Variants in RIT1 observed in about 807,000 individuals in gnomAD.
The protein encoded by RIT1 is Ras like without CAAX 1, also known as GTP-binding protein Rit1.
RIT1 carries 6 observed loss-of-function variants against 25.6 expected under a neutral mutation model. The observed-to-expected ratio is 0.23, with a 90% CI of 0.13 to 0.46. The LOEUF is 0.46. RIT1 is among the 20% of genes least tolerant of loss of function. The pLI is 0.99. For missense variants in RIT1, 219 were observed against 284.4 expected, an observed-to-expected ratio of 0.77 and a Z score of 1.65; for synonymous variants, 81 against 94.1, an observed-to-expected ratio of 0.86 and a Z score of 0.80.
chr1:155,907,847 T>A (rs534738846), intron 3 of RIT1, among the ~76,000 whole-genome samples: 13 of 152,172 alleles, frequency 8.5e-5, no homozygotes, highest in Admixed American at 8.5e-4. Context: ...TCCCAGCACT[T>A]TGGGAGGCCG....
intron 5 of RIT1, among the ~76,000 whole-genome samples, chr1:155,901,037 A>G (rs1484627773): frequency 6.6e-6 from 1 of 150,544 alleles, no homozygotes; most frequent in Admixed American, 6.6e-5. Context: ...CTGGTTGTAA[A>G]CTCCTGACCT....
At position 155,898,176 on chromosome 1, in the gene RIT1, C is replaced by G. The variant is rs1673223890; in HGVS notation, c.*2212G>C. On this transcript the variant is annotated 3_prime_UTR_variant, in exon 6 of 6. Coordinates refer to ENST00000368323, the MANE Select transcript of RIT1 (RefSeq NM_006912.6). ...ACTAAGAATAGAGCTATGACTTATG[C>G]ATATCATACCTGTCAAGCTACCTAG... 6.6e-6 allele frequency: 1 copy of G among 152,178 alleles called. No individual in the cohort carries two copies. The allele number at this position is 152,178 out of a possible 1,614,324, so 9.4% of individuals were successfully genotyped here.
chr1:155,902,979 G>C (rs1673344273), intron 5 of RIT1, among the ~76,000 whole-genome samples: 1 of 149,762 alleles, frequency 6.7e-6, no homozygotes, highest in Non-Finnish European at 1.5e-5. Context: ...TGACCAACAT[G>C]GTGAAACCCC....
chr1:155,910,393 T>G, intron 3 of RIT1, 57 bp downstream of exon 3: 6 of 1,383,688 alleles, frequency 4.3e-6, no homozygotes, highest in Non-Finnish European at 6.1e-6. Context: ...ACTACTGATA[T>G]TCATTAAGAT....
At position 155,910,773 on chromosome 1, in the gene RIT1, G is replaced by C; in HGVS notation, c.-12C>G. On this transcript the variant is annotated 5_prime_UTR_variant, in exon 2 of 6. Coordinates refer to ENST00000368323, the MANE Select transcript of RIT1 (RefSeq NM_006912.6). ...GTTCCAGAATCCATTGTCCTCTTGG[G>C]GCCTTCCTCGGTTGCCCCGAGGAAA... 2.5e-6 allele frequency: 4 copies of C among 1,614,156 alleles called. No homozygotes were observed. The highest frequency in any genetic ancestry group is 3.4e-6 in the Non-Finnish European group (4 of 1,180,032).
chr1:155,900,338 TG>T lies in RIT1; in HGVS notation c.*49del. The T allele has an allele frequency of 7.3e-7, 1 of 1,360,588 alleles. No homozygotes were observed. The allele number at this position is 1,360,588 out of a possible 1,614,324, so 84.3% of individuals were successfully genotyped here. A position where few individuals can be genotyped will look rare whatever the true frequency, so the allele number is the denominator to read the frequency against. ...TACTCAGTACTGCAGGTTACTGGACTGCTTTGATACAGCACTGCAGTTCACA... is the reference window on the plus strand; with the variant it reads ...TACTCAGTACTGCAGGTTACTGGACTCTTTGATACAGCACTGCAGTTCACA... On this transcript the variant is annotated 3_prime_UTR_variant, in exon 6 of 6. Coordinates refer to ENST00000368323, the MANE Select transcript of RIT1 (RefSeq NM_006912.6).
intron 5 of RIT1, among the ~76,000 whole-genome samples, chr1:155,903,595 T>C (rs781719935): frequency 2.6e-5 from 4 of 152,306 alleles, no homozygotes; most frequent in Non-Finnish European, 5.9e-5. Context: ...TTTGGACAGC[T>C]AGATTGTTTC....
intron 3 of RIT1, among the ~76,000 whole-genome samples, chr1:155,905,499 C>T (rs1045056118): frequency 6.6e-6 from 1 of 151,756 alleles, no homozygotes; most frequent in African/African-American, 2.4e-5. Flanking sequence ...TGCACTCAGC[C>T]GAGACCCCAT....
chr1:155,904,763 C>T lies in RIT1; in HGVS notation c.205G>A (p.Ala69Thr), dbSNP rs1673399713. The T allele has an allele frequency of 6.2e-7, 1 of 1,612,626 alleles. No homozygotes were observed. Among genetic ancestry groups the T allele is most frequent in the Admixed American group, 1.7e-5 (1 of 59,970 alleles). ...KIRIRIDDEPANLDILDTAGQ... is the reference protein window; with the variant it reads ...KIRIRIDDEPTNLDILDTAGQ... ...GCTGTATCCAAAATGTCCAGATTGG[C>T]AGGCTCATCATCAATACGGATCCTG... Residue 69 changes from alanine to threonine, a missense_variant, in exon 4 of 6, where the codon GCC (alanine) becomes ACC (threonine). Physicochemically the swap from Ala to Thr is moderately conservative, Grantham distance 58 (BLOSUM62 0). Coordinates refer to ENST00000368323, the MANE Select transcript of RIT1 (RefSeq NM_006912.6).
chr1:155,910,333 A>C, intron 3 of RIT1, 117 bp downstream of exon 3: 1 of 854,830 alleles, frequency 1.2e-6, no homozygotes, highest in Non-Finnish European at 1.9e-6. Flanking sequence ...TTGTTTCTAA[A>C]TAAATCTGAA....
chr1:155,909,234 C>T (rs1047067765), intron 3 of RIT1, among the ~76,000 whole-genome samples: 4 of 151,774 alleles, frequency 2.6e-5, no homozygotes, highest in African/African-American at 9.7e-5. Context: ...AAAAATTAGC[C>T]GGGCTTGGTG....
chr1:155,903,363 G>C (rs1429993787), intron 5 of RIT1, among the ~76,000 whole-genome samples: 1 of 146,046 alleles, frequency 6.8e-6, no homozygotes, highest in Non-Finnish European at 1.5e-5. Context: ...TAAGGCAGGA[G>C]ACTCACTTGA....
At chr1:155,908,018 G>T (rs959084493) in intron 3 of RIT1, among the ~76,000 whole-genome samples, 1 of 151,744 alleles carries the variant, frequency 6.6e-6, no homozygotes, top group African/African-American at 2.4e-5. Context: ...TGAACCCCGG[G>T]GGGGCGGAGC....
intron 5 of RIT1, among the ~76,000 whole-genome samples, chr1:155,902,576 T>C (rs1040719817): frequency 2.0e-5 from 3 of 151,374 alleles, no homozygotes; most frequent in East Asian, 3.9e-4. Flanking sequence ...GTGTGGTGGC[T>C]CACATCTATA....
At chr1:155,911,177 A>G in intron 1 of RIT1, 66 bp downstream of exon 1, 1 of 410,342 alleles carries the variant, frequency 2.4e-6, no homozygotes, top group East Asian at 4.2e-5. Context: ...CCCCCTCCCC[A>G]TTCTCCTCCG....
chr1:155,899,966 A>T lies in RIT1; in HGVS notation c.*422T>A, dbSNP rs1233633299. ...CATGATTTTTGTTCTGTCTCTAGGAAGCATAGTGTGAATAGAAGAGACTGA... is the reference window on the plus strand; with the variant it reads ...CATGATTTTTGTTCTGTCTCTAGGATGCATAGTGTGAATAGAAGAGACTGA... On this transcript the variant is annotated 3_prime_UTR_variant, in exon 6 of 6. Transcript: ENST00000368323. 1 of 230,406 alleles carries T rather than the reference A, an allele frequency of 4.3e-6. No homozygotes were observed. Among genetic ancestry groups the T allele is most frequent in the African/African-American group, 2.2e-5 (1 of 44,560 alleles). The allele number at this position is 230,406 out of a possible 1,614,324, so 14.3% of individuals were successfully genotyped here. A position where few individuals can be genotyped will look rare whatever the true frequency, so the allele number is the denominator to read the frequency against.
chr1:155,906,202 T>C (rs1333325769), intron 3 of RIT1, among the ~76,000 whole-genome samples: 2 of 152,128 alleles, frequency 1.3e-5, no homozygotes, highest in African/African-American at 2.4e-5. Context: ...TTATGCATAT[T>C]ACTATAGTAA....
rs1490178310 is a variant in RIT1 at position 155,910,506 on chromosome 1, G to C, written c.107C>G (p.Ala36Gly). 1 of 1,613,958 alleles carries C rather than the reference G, an allele frequency of 6.2e-7. No homozygotes were observed. Among genetic ancestry groups the C allele is most frequent in the African/African-American group, 1.3e-5 (1 of 74,930 alleles). Residue 36 changes from alanine to glycine, a missense_variant and splice_region_variant, in exon 3 of 6, where the codon GCC (alanine) becomes GGC (glycine). Around this residue, in one of 3 missense-constraint regions of RIT1, gnomAD observed 131 missense variants for 173.6 expected, o/e 0.75. Transcript: ENST00000368323. ...MLGAGGVGKSAMTMQFISHRF... is the reference protein window; with the variant it reads ...MLGAGGVGKSGMTMQFISHRF... ...GTGGCTGATGAACTGCATGGTCATG[G>C]CTTCAAAAGAAGAAATAAAAGTCAA...
At chr1:155,906,207 T>C (rs941992539) in intron 3 of RIT1, among the ~76,000 whole-genome samples, 4 of 152,050 alleles carry the variant, frequency 2.6e-5, no homozygotes, top group East Asian at 1.9e-4. Context: ...CATATTACTA[T>C]AGTAACCTTG....
Sources: gnomAD v4.1 joint callset for allele counts (sites outside exome capture counted in the v4.1 genomes callset) on GRCh38, gnomAD v4.1.1 for gene constraint, gnomAD v4.1.1 regional missense constraint, MANE v1.5 for transcripts, NCBI Gene and HGNC (gene_info 2026-07-23, HGNC 2026-07-21) for gene names.